The following MYCBP2 variants were observed in gnomAD, a reference collection of about 807,000 sequenced individuals.
MYCBP2 encodes the protein MYC binding protein 2.
A neutral mutation model predicts 525.3 loss-of-function variants in MYCBP2; 120 were observed. That is an observed-to-expected ratio of 0.23 (90% CI 0.20 to 0.27). The LOEUF (loss-of-function observed/expected upper bound fraction) is 0.27. MYCBP2 is among the 10% of genes least tolerant of loss of function. The pLI, the probability that MYCBP2 is intolerant of heterozygous loss-of-function variation, is 1.00. For missense variants in MYCBP2, 4,149 were observed against 5,657.1 expected (o/e 0.73, Z 8.55); for synonymous variants, 1,894 against 1,955.8 (o/e 0.97, Z 0.83).
In MYCBP2 at chr13:77,140,167, A is replaced by G; in HGVS notation, c.7402-4T>C. 1 of 1,576,196 alleles carries G rather than the reference A, an allele frequency of 6.3e-7. No homozygotes were observed. The highest frequency in any genetic ancestry group is 8.6e-7 in the Non-Finnish European group (1 of 1,158,696). On this transcript the variant is annotated splice_polypyrimidine_tract_variant and splice_region_variant and intron_variant, in intron 50 of 82. Coordinates refer to ENST00000544440, the MANE Select transcript of MYCBP2 (RefSeq NM_015057.5). ...CCTTGGCCACAAATTTTCGAACCTGAGAAAGGCAAAGATAAACAGTGAGGT... is the reference window on the plus strand; with the variant it reads ...CCTTGGCCACAAATTTTCGAACCTGGGAAAGGCAAAGATAAACAGTGAGGT...
At chr13:77,319,109 CGT>C (rs144702217) in intron 1 of MYCBP2, among the ~76,000 whole-genome samples, 12 of 151,104 alleles carry the variant, frequency 7.9e-5, no homozygotes, top group Admixed American at 2.0e-4. Context: ...AGTTTGGGAA[CGT>C]GTGTGTGTGT....
intron 14 of MYCBP2, among the ~76,000 whole-genome samples, chr13:77,257,056 A>G (rs2072347523): frequency 6.6e-6 from 1 of 152,146 alleles, no homozygotes; most frequent in Admixed American, 6.5e-5. Context: ...TAACCATAAA[A>G]AACACTGAGA....
At chr13:77,315,870 G>C (rs2080871139) in intron 1 of MYCBP2, among the ~76,000 whole-genome samples, 1 of 145,364 alleles carries the variant, frequency 6.9e-6, no homozygotes, top group Admixed American at 7.0e-5. Context: ...ACTCCAGCCT[G>C]GGCAACAGAG....
chr13:77,296,876 GCAATATA>G (rs1391248496), intron 1 of MYCBP2, among the ~76,000 whole-genome samples: 1 of 152,036 alleles, frequency 6.6e-6, no homozygotes, highest in Non-Finnish European at 1.5e-5. Flanking sequence ...GGGCAGCTAA[GCAATATA>G]CAATATATAT....
At position 77,161,899 on chromosome 13, in the gene MYCBP2, A is replaced by G; in HGVS notation, c.6597+7T>C. 1 of 1,603,656 alleles carries G rather than the reference A, an allele frequency of 6.2e-7. No homozygotes were observed. Among genetic ancestry groups the G allele is most frequent in the Middle Eastern group, 1.7e-4 (1 of 6,032 alleles). ...AAAGTTTATCCTTAAAACATTTGGG[A>G]CAATACCTGCAATGCAGCCTCCTCA... On this transcript the variant is annotated splice_region_variant and intron_variant, in intron 44 of 82. Coordinates refer to ENST00000544440, the MANE Select transcript of MYCBP2 (RefSeq NM_015057.5).
intron 31 of MYCBP2, 87 bp downstream of exon 31, chr13:77,185,784 G>A (rs2060660267): frequency 5.3e-6 from 5 of 951,316 alleles, no homozygotes; most frequent in Non-Finnish European, 7.5e-6. Flanking sequence ...CAGCTGGGGG[G>A]CATAAACTCT....
chr13:77,177,123 TTG>T (rs1393658957), intron 35 of MYCBP2, among the ~76,000 whole-genome samples: 1 of 151,428 alleles, frequency 6.6e-6, no homozygotes, highest in Non-Finnish European at 1.5e-5. Context: ...CATCTCAACA[TTG>T]TGTTTCTTGA....
chr13:77,052,931 C>T (rs2154057683), intron 80 of MYCBP2, among the ~76,000 whole-genome samples: 1 of 152,188 alleles, frequency 6.6e-6, no homozygotes, highest in South Asian at 2.1e-4. Context: ...GAGTTCAAGA[C>T]CAGCCTGGGC....
At chr13:77,051,250 T>A (rs535307598) in intron 81 of MYCBP2, 88 bp from the exon 82 acceptor site, 2 of 1,188,810 alleles carry the variant, frequency 1.7e-6, no homozygotes, top group African/African-American at 1.6e-5. Flanking sequence ...GACAGCTCCT[T>A]AATTCATATT....
At chr13:77,130,562 A>G (rs2052583257) in intron 52 of MYCBP2, among the ~76,000 whole-genome samples, 1 of 152,040 alleles carries the variant, frequency 6.6e-6, no homozygotes, top group South Asian at 2.1e-4. Context: ...CCAAAACCAA[A>G]GCCAACTGCC....
Position 77,176,509 on chromosome 13 carries a change from C to T in MYCBP2, c.5460G>A (p.Val1820=), listed in dbSNP as rs766251895. 14 of 1,576,116 alleles carry T rather than the reference C, an allele frequency of 8.9e-6. No individual in the cohort carries two copies. The highest frequency in any genetic ancestry group is 8.6e-7 in the Non-Finnish European group (1 of 1,157,340). Residue 1820 remains valine (V), a synonymous_variant, in exon 36 of 83, where the codon GTG becomes GTA. Coordinates refer to ENST00000544440, the MANE Select transcript of MYCBP2 (RefSeq NM_015057.5). ...CAGTTGAAACTACCTTTAAAGGAAC[C>T]ACTTTGTCAAGTCTGATCTCAGCTA... ...SDIAEIRLDK[V]VPLKENVKYA...
At chr13:77,136,267 C>T (rs1477562168) in intron 52 of MYCBP2, among the ~76,000 whole-genome samples, 1 of 152,228 alleles carries the variant, frequency 6.6e-6, no homozygotes, top group African/African-American at 2.4e-5. Flanking sequence ...CCTCCCATGG[C>T]AATGTAATAG....
chr13:77,291,762 T>C (rs1489476195), intron 2 of MYCBP2, among the ~76,000 whole-genome samples: 4 of 150,380 alleles, frequency 2.7e-5, no homozygotes, highest in Non-Finnish European at 5.9e-5. Context: ...AGCGAAACTC[T>C]GTCTCAAAAA....
At chr13:77,160,345 A>G (rs1031429074) in intron 44 of MYCBP2, among the ~76,000 whole-genome samples, 7 of 152,236 alleles carry the variant, frequency 4.6e-5, no homozygotes, top group African/African-American at 1.4e-4. Flanking sequence ...CCTCATTTGT[A>G]AATGGAGATA....
At chr13:77,273,418 G>A (rs1037946548) in intron 5 of MYCBP2, 54 bp downstream of exon 5, 6 of 1,462,460 alleles carry the variant, frequency 4.1e-6, no homozygotes, top group Admixed American at 2.5e-5. Context: ...AAATTGAGAC[G>A]AAACTGTAAC....
chr13:77,165,312 A>G lies in MYCBP2; in HGVS notation c.6420T>C (p.Cys2140=), dbSNP rs1259912840. 1.2e-6 allele frequency: 2 copies of G among 1,612,296 alleles called. No individual in the cohort carries two copies. The highest frequency in any genetic ancestry group is 2.2e-5 in the South Asian group (2 of 90,430). The change falls in exon 42 of 83, where the codon TGT becomes TGC. Residue 2140 remains cysteine (C), a synonymous_variant. Coordinates refer to ENST00000544440, the MANE Select transcript of MYCBP2 (RefSeq NM_015057.5). Reference sequence around the variant, plus strand: ...GGCTAAATTCATATCCAATTGCAAAACACTTAAAACCATAGAAAGAAGCTT... The same window carrying G: ...GGCTAAATTCATATCCAATTGCAAAGCACTTAAAACCATAGAAAGAAGCTT... ...DDKASFYGFK[C]FAIGYEFSPG...
chr13:77,215,566 A>G (rs541934273), intron 21 of MYCBP2, among the ~76,000 whole-genome samples: 1 of 152,294 alleles, frequency 6.6e-6, no homozygotes, highest in Admixed American at 6.5e-5. Context: ...ATGGATTGGA[A>G]GTAGAAGTCA....
chr13:77,321,372 T>C (rs139655587), intron 1 of MYCBP2, among the ~76,000 whole-genome samples: 6 of 152,350 alleles, frequency 3.9e-5, no homozygotes, highest in Admixed American at 6.5e-5. Context: ...TCCACTGATA[T>C]AACAGCTACA....
In MYCBP2 at chr13:77,081,605, T is replaced by C; in HGVS notation, c.11240A>G (p.Asp3747Gly). 1 of 1,613,782 alleles carries C rather than the reference T, an allele frequency of 6.2e-7. No homozygotes were observed. The highest frequency in any genetic ancestry group is 8.5e-7 in the Non-Finnish European group (1 of 1,179,884). Reference sequence around the variant, plus strand: ...GGCAGGTCGGCTTGAAGTTTTTATGTCAACAATGCTGGTTAAGTCCTTTAA... The same window carrying C: ...GGCAGGTCGGCTTGAAGTTTTTATGCCAACAATGCTGGTTAAGTCCTTTAA... ...MCLKDLTSIV[D>G]IKTSSRPAMI... The change falls in exon 65 of 83, where the codon GAC (aspartate) becomes GGC (glycine). Residue 3747 changes from aspartate to glycine, a missense_variant. By Grantham distance (94) the Asp-to-Gly change is moderately conservative. This residue lies in a region of MYCBP2 where 509 missense variants were observed against 789.4 expected (regional missense o/e 0.64). Transcript: ENST00000544440. This position sits in a 1 kb window ranked among gnomAD's most constrained non-coding sequence, Gnocchi z 4.6.
Sources: allele counts gnomAD v4.1 joint callset (sites outside exome capture counted in the v4.1 genomes callset), GRCh38; gene constraint gnomAD v4.1.1; regional missense constraint gnomAD v4.1.1; non-coding constraint Gnocchi (gnomAD v3.1); transcripts MANE v1.5; gene names NCBI Gene and HGNC (gene_info 2026-07-23, HGNC 2026-07-21).